The following ATP11B variants were observed in gnomAD, a reference collection of about 807,000 sequenced individuals.
The protein encoded by ATP11B is phospholipid-transporting ATPase IF.
In ATP11B, 81 loss-of-function variants were observed where a neutral mutation model predicts 157.8. The observed-to-expected ratio is 0.51, with a 90% CI of 0.43 to 0.62. The LOEUF (loss-of-function observed/expected upper bound fraction) is 0.62, where lower values mean the gene tolerates loss of function less well. Among genes scored for constraint, ATP11B ranks in the 20% least tolerant of loss-of-function variants. ATP11B has a pLI of 0.00. For synonymous variants in ATP11B, 451 were observed against 469.4 expected (o/e 0.96, Z 0.51); for missense variants, 1,165 against 1,402.2 (o/e 0.83, Z 2.70).
chr3:182,842,103 C>A lies in ATP11B; in HGVS notation c.685C>A (p.Gln229Lys). 6.2e-7 allele frequency: 1 copy of A among 1,601,542 alleles called. No individual in the cohort carries two copies. The highest frequency in any genetic ancestry group is 8.5e-7 in the Non-Finnish European group (1 of 1,171,304). ...CATGGGACGAATGATCATAACCCAA[C>A]AAATGGAAGAAATTGTAAGGTAAGA... ...RFMGRMIITQ[Q>K]MEEIVRPLGP... The change falls in exon 8 of 30, where the codon CAA (glutamine) becomes AAA (lysine). Residue 229 changes from glutamine (Q) to lysine (K), a missense_variant. By Grantham distance (53) the Gln-to-Lys change is moderately conservative (BLOSUM62 1). Around this residue, in one of 4 missense-constraint regions of ATP11B, gnomAD observed 737 missense variants for 930.5 expected, o/e 0.79. Transcript: ENST00000323116.
At chr3:182,798,765 A>T (rs1447286958) in intron 1 of ATP11B, among the ~76,000 whole-genome samples, 1 of 152,244 alleles carries the variant, frequency 6.6e-6, no homozygotes, top group Non-Finnish European at 1.5e-5. Context: ...TGTGTGAATG[A>T]AATATGCAGT....
chr3:182,827,103 A>G (rs747630632), intron 2 of ATP11B, among the ~76,000 whole-genome samples: 1 of 152,194 alleles, frequency 6.6e-6, no homozygotes, highest in Non-Finnish European at 1.5e-5. Context: ...CAGTAAATAA[A>G]ATGATATCCC....
chr3:182,900,577 C>T (rs1176662479), intron 28 of ATP11B, among the ~76,000 whole-genome samples: 1 of 151,636 alleles, frequency 6.6e-6, no homozygotes, highest in African/African-American at 2.4e-5. Context: ...AGAAAGTTTG[C>T]CTATCTTATT....
chr3:182,867,253 A>G (rs1303096036), intron 14 of ATP11B, 123 bp from the exon 15 acceptor site: 6 of 675,532 alleles, frequency 8.9e-6, no homozygotes, highest in Non-Finnish European at 1.5e-5. Context: ...TTAAAAGGAA[A>G]TATTTTTAAA....
In ATP11B at chr3:182,918,589, G is replaced by A. The variant is rs958894407; in HGVS notation, c.*485G>A. Reference sequence around the variant, plus strand: ...AAAGCTTTTCATGGGAAAAGTTAATGTGAATACTGAGGAATTTTGGTCCCT... The same window carrying A: ...AAAGCTTTTCATGGGAAAAGTTAATATGAATACTGAGGAATTTTGGTCCCT... On this transcript the variant is annotated 3_prime_UTR_variant, in exon 30 of 30. Transcript: ENST00000323116. 2 of 381,168 alleles carry A rather than the reference G, an allele frequency of 5.2e-6. No individual in the cohort carries two copies. The highest frequency in any genetic ancestry group is 4.1e-5 in the African/African-American group (2 of 48,242). The allele number at this position is 381,168 out of a possible 1,614,324, so 23.6% of individuals were successfully genotyped here.
chr3:182,884,994 T>A (rs571482204), intron 22 of ATP11B, 96 bp downstream of exon 22: 2 of 716,242 alleles, frequency 2.8e-6, no homozygotes, highest in African/African-American at 3.7e-5. Flanking sequence ...TTTAAAATAG[T>A]TTCAATAAGT....
At chr3:182,825,722 C>CAA (rs1214752270) in intron 2 of ATP11B, among the ~76,000 whole-genome samples, 16 of 89,622 alleles carry the variant, frequency 1.8e-4, no homozygotes, top group African/African-American at 4.2e-4. Flanking sequence ...GACTCTGTCT[C>CAA]AAAAAAAAAA....
In ATP11B at chr3:182,820,140, A is replaced by G. The variant is rs142985880; in HGVS notation, c.28-120A>G. On this transcript the variant is annotated intron_variant, in intron 1 of 29. Coordinates refer to ENST00000323116, the MANE Select transcript of ATP11B (RefSeq NM_014616.3). ...TTCTAATTAGATGGATTGAGTCTAT[A>G]TGCATTTTAAGGGCAATAGTAATAT... The G allele has an allele frequency of 8.6e-5, 58 of 676,920 alleles. 2 individuals are homozygous for G. In the Middle Eastern group the frequency reaches 3.5e-3, roughly 41 times the overall value. 41.9% of individuals were successfully genotyped at this position (676,920 alleles called of 1,614,324 possible). A position where few individuals can be genotyped will look rare whatever the true frequency, so the allele number is the denominator to read the frequency against.
chr3:182,794,362 T>A (rs1264650566), intron 1 of ATP11B, among the ~76,000 whole-genome samples: 3 of 152,116 alleles, frequency 2.0e-5, no homozygotes, highest in Non-Finnish European at 2.9e-5. Flanking sequence ...CCCCAGGACC[T>A]GGAAAGGGGA....
chr3:182,917,384 G>C (rs1210776641), intron 29 of ATP11B: 4 of 985,138 alleles, frequency 4.1e-6, no homozygotes, highest in Admixed American at 6.2e-5. Flanking sequence ...GTTTACAGCT[G>C]CACATAAAGT....
intron 25 of ATP11B, among the ~76,000 whole-genome samples, chr3:182,894,330 G>C (rs1723373526): frequency 1.3e-5 from 2 of 152,208 alleles, no homozygotes; most frequent in Admixed American, 1.3e-4. Context: ...GGGATTACAG[G>C]CATGGGCCAC....
intron 19 of ATP11B, among the ~76,000 whole-genome samples, chr3:182,879,161 T>C (rs764259400): frequency 6.6e-6 from 1 of 151,794 alleles, no homozygotes; most frequent in Non-Finnish European, 1.5e-5. Context: ...TAGTCCAAGA[T>C]AGGAAGCTGA....
intron 28 of ATP11B, among the ~76,000 whole-genome samples, chr3:182,907,771 C>G (rs1214088450): frequency 6.6e-6 from 1 of 152,192 alleles, no homozygotes. Flanking sequence ...ATTGTGTCCT[C>G]TGTAATAAAA....
chr3:182,853,607 T>C (rs1302655731), intron 10 of ATP11B, among the ~76,000 whole-genome samples: 1 of 152,238 alleles, frequency 6.6e-6, no homozygotes, highest in African/African-American at 2.4e-5. Flanking sequence ...ATAAGTTTTT[T>C]TTTAACTTGT....
At chr3:182,825,084 C>T (rs1178172308) in intron 2 of ATP11B, among the ~76,000 whole-genome samples, 2 of 152,176 alleles carry the variant, frequency 1.3e-5, no homozygotes, top group African/African-American at 4.8e-5. Flanking sequence ...TCTTGGTCTC[C>T]TTCCAGACTG....
chr3:182,822,192 A>G (rs532986030), intron 2 of ATP11B, among the ~76,000 whole-genome samples: 31 of 151,894 alleles, frequency 2.0e-4, no homozygotes, highest in African/African-American at 7.2e-4. Context: ...ATATGTATAC[A>G]TGTGCCATAT....
chr3:182,809,144 A>G (rs866756589), intron 1 of ATP11B, among the ~76,000 whole-genome samples: 2 of 152,086 alleles, frequency 1.3e-5, no homozygotes, highest in Non-Finnish European at 2.9e-5. Context: ...CTGAGAACCA[A>G]TGCCTTTGGT....
rs1020124366 is a variant in ATP11B at position 182,916,534 on chromosome 3, G to A, written c.3453-1489G>A. On this transcript the variant is annotated intron_variant, in intron 29 of 29. Coordinates refer to ENST00000323116, the MANE Select transcript of ATP11B (RefSeq NM_014616.3). ...CATCATGGTGCTATATAAAGAATAT[G>A]CCATGTTGCACCCTAAAGAGCTGGA... 7.1e-6 allele frequency: 7 copies of A among 985,176 alleles called. No homozygotes were observed. In the African/African-American group the frequency reaches 1.0e-4, roughly 15 times the overall value. The allele number at this position is 985,176 out of a possible 1,614,324, so 61.0% of individuals were successfully genotyped here.
intron 9 of ATP11B, among the ~76,000 whole-genome samples, chr3:182,846,473 A>G (rs971174972): frequency 2.0e-5 from 3 of 152,214 alleles, no homozygotes; most frequent in Non-Finnish European, 2.9e-5. Context: ...CACACTACAT[A>G]TATACCCAAA....
Sources: gnomAD v4.1 joint callset for allele counts (sites outside exome capture counted in the v4.1 genomes callset) on GRCh38, gnomAD v4.1.1 for gene constraint, gnomAD v4.1.1 regional missense constraint, MANE v1.5 for transcripts, NCBI Gene and HGNC (gene_info 2026-07-23, HGNC 2026-07-21) for gene names.